RHOT1: variants seen among roughly 807,000 people sequenced by gnomAD.
RHOT1 encodes ras homolog family member T1.
Under a neutral mutation model 95.3 loss-of-function variants are expected in RHOT1, and 27 were observed. The observed-to-expected ratio is 0.28, with a 90% CI of 0.21 to 0.39. The LOEUF is 0.39. Among genes scored for constraint, RHOT1 ranks in the 10% least tolerant of loss-of-function variants. The pLI, the probability that RHOT1 is intolerant of heterozygous loss-of-function variation, is 1.00. For synonymous variants in RHOT1, 227 were observed against 263.5 expected, an observed-to-expected ratio of 0.86 and a Z score of 1.34; for missense variants, 578 against 786.7, an observed-to-expected ratio of 0.73 and a Z score of 3.17.
chr17:32,184,898 A>G (rs1412534970), intron 8 of RHOT1, among the ~76,000 whole-genome samples: 1 of 151,598 alleles, frequency 6.6e-6, no homozygotes, highest in Non-Finnish European at 1.5e-5. Context: ...GTAAACATTC[A>G]ATACAAGTTT....
chr17:32,192,284 A>G lies in RHOT1; in HGVS notation c.624A>G (p.Glu208=). Residue 208 remains glutamate (E), a synonymous_variant, in exon 9 of 20, where the codon GAA becomes GAG. Transcript: ENST00000545287. ...ATGATGGTACTCTCAATGATGCTGA[A>G]CTCAACTTCTTTCAGGTAATGGTCC... is the stretch of plus-strand genomic sequence containing the variant. ...QDNDGTLNDA[E]LNFFQRICFN... is the part of the protein sequence containing the mutation. The G allele has an allele frequency of 1.3e-6, 2 of 1,563,456 alleles. No homozygotes were observed. The highest frequency in any genetic ancestry group is 1.7e-6 in the Non-Finnish European group (2 of 1,150,424).
intron 8 of RHOT1, among the ~76,000 whole-genome samples, chr17:32,190,376 A>G (rs2036399117): frequency 1.3e-5 from 2 of 151,874 alleles, no homozygotes; most frequent in Non-Finnish European, 2.9e-5. Flanking sequence ...AATCGCTTGA[A>G]CCTGGGAGGC....
At chr17:32,153,715 G>T (rs2032600728) in intron 1 of RHOT1, among the ~76,000 whole-genome samples, 2 of 152,170 alleles carry the variant, frequency 1.3e-5, no homozygotes, top group Admixed American at 1.3e-4. Flanking sequence ...AAAGTTCCTG[G>T]AAATATCCAT....
At chr17:32,171,697 A>T (rs1317685514) in intron 2 of RHOT1, among the ~76,000 whole-genome samples, 1 of 152,226 alleles carries the variant, frequency 6.6e-6, no homozygotes, top group Non-Finnish European at 1.5e-5. Context: ...GTGAATCCCT[A>T]CTTGCCTTCT....
chr17:32,205,482 G>A (rs965784621), intron 16 of RHOT1, among the ~76,000 whole-genome samples: 2 of 152,148 alleles, frequency 1.3e-5, no homozygotes, highest in Non-Finnish European at 2.9e-5. Context: ...TTATTTAGCA[G>A]GGAAGGGAGT....
chr17:32,221,507 T>C (rs1490671868), intron 19 of RHOT1, among the ~76,000 whole-genome samples: 1 of 152,228 alleles, frequency 6.6e-6, no homozygotes, highest in African/African-American at 2.4e-5. Flanking sequence ...CACATTATTC[T>C]CTATTCAGGT....
In RHOT1 at chr17:32,143,394, A is replaced by G. The variant is rs567013359; in HGVS notation, c.37+665A>G. 2.6e-5 allele frequency among the ~76,000 whole-genome samples: 4 copies of G among 152,306 alleles called. No individual in the cohort carries two copies. In the South Asian group the frequency reaches 8.3e-4, roughly 32 times the overall value. ...TAACTCCTCGTACTCGAGATATTTC[A>G]TCAAAAATTTTTACTCAACTTCGAG... On this transcript the variant is annotated intron_variant, in intron 1 of 19. Transcript: ENST00000545287.
chr17:32,199,007 A>G lies in RHOT1; in HGVS notation c.930A>G (p.Gln310=), dbSNP rs1309325813. 7 of 1,610,508 alleles carry G rather than the reference A, an allele frequency of 4.3e-6. No individual in the cohort carries two copies. In the Admixed American group the frequency reaches 5.0e-5, roughly 12 times the overall value. The change falls in exon 12 of 20, where the codon CAA becomes CAG. Residue 310 remains glutamine (Q), a synonymous_variant. Coordinates refer to ENST00000545287, the MANE Select transcript of RHOT1 (RefSeq NM_001033566.3). ...ATCATCATGCATATTTATTTCTCCA[A>G]AGCACCTTTGACAAGCATGATTTGG... is the stretch of plus-strand genomic sequence containing the variant. ...ELNHHAYLFL[Q]STFDKHDLDR... is the part of the protein sequence containing the mutation.
At chr17:32,198,002 C>T (rs2037034134) in intron 11 of RHOT1, among the ~76,000 whole-genome samples, 1 of 152,230 alleles carries the variant, frequency 6.6e-6, no homozygotes, top group Admixed American at 6.5e-5. Context: ...TTAACCTGTC[C>T]TCCTGCCTCA....
chr17:32,220,709 G>A (rs1175374565), intron 19 of RHOT1, among the ~76,000 whole-genome samples: 5 of 150,510 alleles, frequency 3.3e-5, no homozygotes, highest in Non-Finnish European at 5.9e-5. Flanking sequence ...GGTGGTGCAC[G>A]CCTGTAATCC....
At chr17:32,145,621 T>C (rs897753584) in intron 1 of RHOT1, among the ~76,000 whole-genome samples, 3 of 152,208 alleles carry the variant, frequency 2.0e-5, no homozygotes, top group Non-Finnish European at 4.4e-5. Flanking sequence ...TTTATTTTTT[T>C]ATTTTTAATT....
rs759829148 is a variant in RHOT1 at position 32,192,181 on chromosome 17, C to A, written c.541-20C>A. The A allele has an allele frequency of 8.7e-7, 1 of 1,147,796 alleles. No homozygotes were observed. The highest frequency in any genetic ancestry group is 1.3e-6 in the Non-Finnish European group (1 of 785,102). 71.1% of individuals were successfully genotyped at this position (1,147,796 alleles called of 1,614,324 possible). A position where few individuals can be genotyped will look rare whatever the true frequency, so the allele number is the denominator to read the frequency against. On this transcript the variant is annotated intron_variant, in intron 8 of 19. Coordinates refer to ENST00000545287, the MANE Select transcript of RHOT1 (RefSeq NM_001033566.3). ...AAAATCACAGTTTAAACAATTATTT[C>A]TTTTCTCAATGATTTATAGATGAAA... is the stretch of plus-strand genomic sequence containing the variant.
At chr17:32,208,399 G>A (rs2037904155) in intron 18 of RHOT1, 90 bp downstream of exon 18, 3 of 1,268,232 alleles carry the variant, frequency 2.4e-6, no homozygotes, top group Non-Finnish European at 1.1e-6. Context: ...TTGTCACATA[G>A]GAATTGTTCA....
At chr17:32,200,775 CAAAA>C (rs367743557) in intron 13 of RHOT1, among the ~76,000 whole-genome samples, 177 bp from the exon 14 acceptor site, 2 of 110,708 alleles carry the variant, frequency 1.8e-5, no homozygotes, top group Admixed American at 9.6e-5. Context: ...CCCTATCTTT[CAAAA>C]AAAAAAAAAA....
intron 1 of RHOT1, among the ~76,000 whole-genome samples, chr17:32,157,059 G>A (rs2033039669): frequency 6.6e-6 from 1 of 152,214 alleles, no homozygotes; most frequent in Admixed American, 6.5e-5. Flanking sequence ...TCCAAAGCCT[G>A]TGTTGTTTTT....
intron 19 of RHOT1, among the ~76,000 whole-genome samples, chr17:32,224,005 C>T (rs569173752): frequency 1.3e-5 from 2 of 152,222 alleles, no homozygotes; most frequent in African/African-American, 2.4e-5. Flanking sequence ...GCCTGTCTAA[C>T]ACCAGGGATT....
chr17:32,210,497 G>T (rs1324732464), intron 18 of RHOT1, among the ~76,000 whole-genome samples: 1 of 152,152 alleles, frequency 6.6e-6, no homozygotes, highest in African/African-American at 2.4e-5. Context: ...GGTAGCAGAT[G>T]AAATCAACCC....
intron 1 of RHOT1, among the ~76,000 whole-genome samples, chr17:32,151,901 A>G (rs1482593016): frequency 4.0e-5 from 6 of 151,302 alleles, no homozygotes; most frequent in East Asian, 1.9e-4. Context: ...AAAAAAAAAA[A>G]GGAAATCACT....
intron 1 of RHOT1, among the ~76,000 whole-genome samples, chr17:32,153,535 C>T (rs2032578664): frequency 6.6e-6 from 1 of 152,172 alleles, no homozygotes; most frequent in Admixed American, 6.5e-5. Flanking sequence ...TGGCATGCAC[C>T]TGTAGTCTCA....
Sources: gnomAD v4.1 joint callset for allele counts (sites outside exome capture counted in the v4.1 genomes callset) on GRCh38, gnomAD v4.1.1 for gene constraint, MANE v1.5 for transcripts, NCBI Gene and HGNC (gene_info 2026-07-23, HGNC 2026-07-21) for gene names.